The following CCDC66 variants were observed in gnomAD, a reference collection of about 807,000 sequenced individuals.
CCDC66 encodes the protein coiled-coil domain-containing protein 66.
In CCDC66, 133 loss-of-function variants were observed where a neutral mutation model predicts 128.3. That is an observed-to-expected ratio of 1.04 (90% CI 0.90 to 1.20). The LOEUF (loss-of-function observed/expected upper bound fraction) is 1.20. Ranked by LOEUF, CCDC66 falls within the 50% of genes most tolerant of loss-of-function variation. The pLI, the probability that CCDC66 is intolerant of heterozygous loss-of-function variation, is 0.00. For missense variants in CCDC66, 1,126 were observed against 1,075.5 expected (o/e 1.05, Z -0.66); for synonymous variants, 387 against 357.0 (o/e 1.08, Z -0.95).
chr3:56,621,547 CA>C lies in CCDC66; in HGVS notation c.2780del (p.Lys927ArgfsTer10). On this transcript the variant is annotated frameshift_variant, in exon 18 of 18. Coordinates refer to ENST00000394672, the MANE Select transcript of CCDC66 (RefSeq NM_001141947.3). LOFTEE classifies it high-confidence loss of function. ...SELRQGLLQK[Q>X]KELESSLLPL... ...GTGATTTCAGGGCCTTCTCCAGAAG[CA>C]AAAGGAGTTGGAAAGTAGTCTCCTG... 2 of 1,595,368 alleles carry C rather than the reference CA, an allele frequency of 1.3e-6. No homozygotes were observed. The highest frequency in any genetic ancestry group is 1.8e-5 in the Admixed American group (1 of 56,650).
At position 56,565,441 on chromosome 3, in the gene CCDC66, C is replaced by CT. The variant is rs71621823; in HGVS notation, c.545-1139dup. On this transcript the variant is annotated intron_variant, in intron 4 of 17. Coordinates refer to ENST00000394672, the MANE Select transcript of CCDC66 (RefSeq NM_001141947.3). ...GGCGCATGCCACCACACCCGGCTAA[C>CT]TTTTTTTTTTTTTTCTTTTTTTTGT... Among the ~76,000 whole-genome samples, 1,107 of 136,680 alleles carry CT rather than the reference C, an allele frequency of 8.1e-3. 15 individuals are homozygous for CT. Among genetic ancestry groups the CT allele is most frequent in the African/African-American group, 0.027 (1,010 of 36,738 alleles). The allele number at this position is 136,680 out of a possible 152,430, so 89.7% of individuals were successfully genotyped here. A position where few individuals can be genotyped will look rare whatever the true frequency, so the allele number is the denominator to read the frequency against.
At chr3:56,585,163 AAG>A (rs146051967) in intron 7 of CCDC66, among the ~76,000 whole-genome samples, 7,379 of 151,332 alleles carry the variant, frequency 0.049, 226 homozygotes, top group East Asian at 0.092. Flanking sequence ...GGGACTAGTT[AAG>A]AGTTTTTTAA....
At position 56,621,742 on chromosome 3, in the gene CCDC66, C is replaced by CTT. The variant is rs2076663207; in HGVS notation, c.*125_*126dup. On this transcript the variant is annotated 3_prime_UTR_variant, in exon 18 of 18. Transcript: ENST00000394672. ...TATTTTTTTAAATGCTCATTAAAAA[C>CTT]TTGTATACTATGTAGTAAAATGCTG... 4.5e-6 allele frequency: 2 copies of CTT among 442,710 alleles called. No homozygotes were observed. Among genetic ancestry groups the CTT allele is most frequent in the Non-Finnish European group, 4.0e-6 (1 of 250,226 alleles). The allele number at this position is 442,710 out of a possible 1,614,324, so 27.4% of individuals were successfully genotyped here.
At chr3:56,571,738 A>G (rs1193832968) in intron 7 of CCDC66, among the ~76,000 whole-genome samples, 2 of 152,082 alleles carry the variant, frequency 1.3e-5, no homozygotes, top group African/African-American at 4.8e-5. Flanking sequence ...TTAAAAAAAG[A>G]AACAGGGTCT....
intron 10 of CCDC66, among the ~76,000 whole-genome samples, chr3:56,612,677 T>A (rs112192662): frequency 9.9e-5 from 15 of 152,192 alleles, no homozygotes; most frequent in African/African-American, 3.6e-4. Flanking sequence ...CGTGGGCCAG[T>A]CCCCAGACTT....
At chr3:56,586,539 A>G (rs2106817855) in intron 7 of CCDC66, among the ~76,000 whole-genome samples, 1 of 151,620 alleles carries the variant, frequency 6.6e-6, no homozygotes, top group African/African-American at 2.4e-5. Flanking sequence ...CAAAAAAAAA[A>G]AAAGAAAAAA....
In CCDC66 at chr3:56,557,175, G is replaced by C. The variant is rs1016224189; in HGVS notation, c.-68G>C. 6.5e-7 allele frequency: 1 copy of C among 1,549,838 alleles called. No individual in the cohort carries two copies. Among genetic ancestry groups the C allele is most frequent in the Non-Finnish European group, 8.7e-7 (1 of 1,145,736 alleles). The stretch of plus-strand genomic sequence containing the variant: ...ATATCCAATTGGCGTAGCGCTTGCT[G>C]AGCGGCGGCGGCAACCGACGTACAC... On this transcript the variant is annotated 5_prime_UTR_variant, in exon 1 of 18. Transcript: ENST00000394672.
chr3:56,591,953 G>A (rs1310704165), intron 7 of CCDC66, among the ~76,000 whole-genome samples: 1 of 152,086 alleles, frequency 6.6e-6, no homozygotes, highest in Non-Finnish European at 1.5e-5. Flanking sequence ...TTTGTTGTTT[G>A]CCTGTTGCAT....
At chr3:56,607,447 G>A (rs2074233800) in intron 10 of CCDC66, among the ~76,000 whole-genome samples, 1 of 152,090 alleles carries the variant, frequency 6.6e-6, no homozygotes, top group African/African-American at 2.4e-5. Context: ...CTTGGTCGCT[G>A]TTGGTATATA....
intron 7 of CCDC66, among the ~76,000 whole-genome samples, chr3:56,577,069 C>T (rs1395506699): frequency 2.0e-5 from 3 of 151,906 alleles, no homozygotes; most frequent in Non-Finnish European, 4.4e-5. Context: ...TCTCCACATC[C>T]TCTCTAGCAC....
At chr3:56,602,739 T>C (rs1290098183) in intron 10 of CCDC66, among the ~76,000 whole-genome samples, 1 of 151,958 alleles carries the variant, frequency 6.6e-6, no homozygotes, top group Admixed American at 6.5e-5. Flanking sequence ...ATCCATTTCT[T>C]CTAGATTTTC....
In CCDC66 at chr3:56,615,999, A is replaced by G. The variant is rs1277779295; in HGVS notation, c.1789A>G (p.Met597Val). ...TGATTCTGATGAAATCAGTGGTAAA[A>G]TGAATACATATATGAATTCTACGAC... is the stretch of plus-strand genomic sequence containing the variant. The part of the protein sequence containing the change: ...RHDSDEISGK[M>V]NTYMNSTTSK... Residue 597 changes from methionine to valine, a missense_variant, in exon 13 of 18, where the codon ATG (methionine) becomes GTG (valine). Met to Val is a conservative substitution (Grantham distance 21, BLOSUM62 1). Coordinates refer to ENST00000394672, the MANE Select transcript of CCDC66 (RefSeq NM_001141947.3). The G allele has an allele frequency of 8.2e-6, 13 of 1,587,818 alleles. No individual in the cohort carries two copies. In the South Asian group the frequency reaches 1.4e-4, roughly 17 times the overall value.
At chr3:56,618,676 C>CAA in intron 15 of CCDC66, 1 of 163,214 alleles carries the variant, frequency 6.1e-6, no homozygotes, top group South Asian at 1.8e-4. Context: ...AAGTTTCATT[C>CAA]AAATGGTGAG....
intron 7 of CCDC66, among the ~76,000 whole-genome samples, chr3:56,573,920 AC>A (rs751857853): frequency 1.2e-4 from 16 of 128,924 alleles, no homozygotes; most frequent in South Asian, 4.6e-4. Flanking sequence ...CTAAAAAAAA[AC>A]AATAAAGTTA....
chr3:56,567,372 G>A (rs2065999995), intron 6 of CCDC66, among the ~76,000 whole-genome samples: 2 of 152,138 alleles, frequency 1.3e-5, no homozygotes, highest in Non-Finnish European at 1.5e-5. Context: ...CTGGGCTACC[G>A]AGCAAGACTC....
intron 7 of CCDC66, among the ~76,000 whole-genome samples, chr3:56,586,893 A>C (rs2069866085): frequency 6.6e-6 from 1 of 151,714 alleles, no homozygotes. Flanking sequence ...CCACAACACA[A>C]AAAAACTAAA....
chr3:56,618,248 A>G lies in CCDC66; in HGVS notation c.2378+36A>G, dbSNP rs888707468. 13 of 1,568,332 alleles carry G rather than the reference A, an allele frequency of 8.3e-6. No individual in the cohort carries two copies. In the African/African-American group the frequency reaches 1.6e-4, roughly 20 times the overall value. ...ATCAGATTAATTCCGCAGCTACTTA[A>G]TGCTTTCTATGTGGGACAAAAAAGG... On this transcript the variant is annotated intron_variant, in intron 15 of 17. Coordinates refer to ENST00000394672, the MANE Select transcript of CCDC66 (RefSeq NM_001141947.3).
intron 3 of CCDC66, chr3:56,563,381 A>T (rs78688941): frequency 2.7e-4 from 41 of 150,844 alleles, no homozygotes; most frequent in Admixed American, 9.8e-4. Context: ...AGTTAAAAAA[A>T]TTTTTTTAAT....
At chr3:56,613,435 T>C (rs1260616824) in intron 10 of CCDC66, among the ~76,000 whole-genome samples, 154 bp from the exon 11 acceptor site, 2 of 152,228 alleles carry the variant, frequency 1.3e-5, no homozygotes, top group Non-Finnish European at 2.9e-5. Flanking sequence ...CACTGTTCTC[T>C]GTTAGATCTA....
Sources: gnomAD v4.1 joint callset for allele counts (sites outside exome capture counted in the v4.1 genomes callset) on GRCh38, gnomAD v4.1.1 for gene constraint, MANE v1.5 for transcripts, NCBI Gene and HGNC (gene_info 2026-07-23, HGNC 2026-07-21) for gene names.